STYK1: variants seen among roughly 807,000 people sequenced by gnomAD.
STYK1 encodes STY kinase 1.
STYK1 carries 46 observed loss-of-function variants against 48.1 expected under a neutral mutation model. The ratio of observed to expected loss-of-function variants is 0.96; its 90% CI spans 0.75 to 1.22. The LOEUF is 1.22. Ranked by LOEUF, STYK1 falls within the 50% of genes most tolerant of loss-of-function variation. The probability of loss-of-function intolerance (pLI) is 0.00; values close to 1 mark genes in which losing one functional copy is unlikely to be tolerated. For synonymous variants in STYK1, 188 were observed against 189.0 expected, an observed-to-expected ratio of 0.99 and a Z score of 0.04; for missense variants, 527 against 521.1, an observed-to-expected ratio of 1.01 and a Z score of -0.11.
chr12:10,671,620 A>T (rs1421712882), intron 1 of STYK1, among the ~76,000 whole-genome samples: 2 of 152,164 alleles, frequency 1.3e-5, no homozygotes, highest in African/African-American at 4.8e-5. Flanking sequence ...CTGCCCATCC[A>T]TTTTTACTTC....
intron 1 of STYK1, among the ~76,000 whole-genome samples, chr12:10,664,467 C>T (rs540892256): frequency 6.6e-6 from 1 of 152,162 alleles, no homozygotes; most frequent in Non-Finnish European, 1.5e-5. Flanking sequence ...TGTAAAGATG[C>T]TAGTACATCT....
At position 10,668,123 on chromosome 12, in the gene STYK1, T is replaced by A. The variant is rs143037040; in HGVS notation, c.-195+5843A>T. Among the ~76,000 whole-genome samples the A allele has an allele frequency of 4.7e-3, 698 of 148,562 alleles. 4 individuals are homozygous for A. The highest frequency in any genetic ancestry group is 0.017 in the African/African-American group (675 of 40,472). On this transcript the variant is annotated intron_variant, in intron 1 of 10. Transcript: ENST00000075503. ...TCTGAGAAGTTCAACAATAAAATACTTTTTTTTTTAACCTGGAAGAATCTC... is the reference window on the plus strand; with the variant it reads ...TCTGAGAAGTTCAACAATAAAATACATTTTTTTTTAACCTGGAAGAATCTC...
chr12:10,665,400 C>A (rs1947823867), intron 1 of STYK1, among the ~76,000 whole-genome samples: 1 of 152,190 alleles, frequency 6.6e-6, no homozygotes, highest in Admixed American at 6.5e-5. Flanking sequence ...AACCTAACTT[C>A]CAAATTTACT....
chr12:10,653,707 C>T (rs537131747), intron 1 of STYK1, among the ~76,000 whole-genome samples: 7 of 151,706 alleles, frequency 4.6e-5, no homozygotes, highest in East Asian at 1.9e-4. Flanking sequence ...AGATGTGCTC[C>T]GACTGATACA....
At chr12:10,633,200 A>C (rs577232792) in intron 4 of STYK1, among the ~76,000 whole-genome samples, 22 of 152,352 alleles carry the variant, frequency 1.4e-4, no homozygotes, top group Non-Finnish European at 2.8e-4. Flanking sequence ...AGAATTGATC[A>C]TTGGACTTTT....
chr12:10,657,868 C>T (rs947189509), intron 1 of STYK1, among the ~76,000 whole-genome samples: 1 of 152,172 alleles, frequency 6.6e-6, no homozygotes, highest in African/African-American at 2.4e-5. Flanking sequence ...ACTGGAAAAA[C>T]AGTTTTAACA....
chr12:10,621,097 C>G (rs939909093), intron 10 of STYK1, among the ~76,000 whole-genome samples: 2 of 151,890 alleles, frequency 1.3e-5, no homozygotes, highest in African/African-American at 4.8e-5. Flanking sequence ...GTAAATTTAC[C>G]CATTCAATGA....
In STYK1 at chr12:10,622,656, A is replaced by ATG. The variant is rs1254296428; in HGVS notation, c.948_949insCA (p.Tyr317HisfsTer5). On this transcript the variant is annotated frameshift_variant, in exon 9 of 11. Transcript: ENST00000075503. LOFTEE classifies it high-confidence loss of function. ...TCCTTACCTAGAGTCACCATCTCAT[A>ATG]GAGCAGGATCCCAAAAGACCAGCTG... 3.1e-6 allele frequency: 5 copies of ATG among 1,614,052 alleles called. No homozygotes were observed. Among genetic ancestry groups the ATG allele is most frequent in the Non-Finnish European group, 4.2e-6 (5 of 1,179,926 alleles).
At chr12:10,634,818 C>G (rs1254051880) in intron 2 of STYK1, 132 bp from the exon 3 acceptor site, 1 of 589,776 alleles carries the variant, frequency 1.7e-6, no homozygotes, top group Non-Finnish European at 3.0e-6. Flanking sequence ...ATCCGTTTAT[C>G]TCTATCTACC....
At position 10,627,134 on chromosome 12, in the gene STYK1, T is replaced by A. The variant is rs532982210; in HGVS notation, c.717+507A>T. Among the ~76,000 whole-genome samples, 3 of 152,344 alleles carry A rather than the reference T, an allele frequency of 2.0e-5. No homozygotes were observed. The East Asian group carries it at 5.8e-4, about 29-fold the overall frequency. ...CTTTTATAATTATATGTACTCCCTG[T>A]CACATTCAGTATCAAAGCAAGTCTC... On this transcript the variant is annotated intron_variant, in intron 7 of 10. Transcript: ENST00000075503.
intron 6 of STYK1, among the ~76,000 whole-genome samples, chr12:10,629,037 G>A (rs1947390460): frequency 6.6e-6 from 1 of 151,964 alleles, no homozygotes. Context: ...ATAATTTCTT[G>A]TATTTTTTGT....
rs113675881 is a variant in STYK1 at position 10,632,798 on chromosome 12, C to T, written c.187+1192G>A. 7.0e-3 allele frequency among the ~76,000 whole-genome samples: 1,066 copies of T among 152,216 alleles called. 7 individuals are homozygous for T. Among genetic ancestry groups the T allele is most frequent in the African/African-American group, 0.024 (1,011 of 41,532 alleles). On this transcript the variant is annotated intron_variant, in intron 4 of 10. Coordinates refer to ENST00000075503, the MANE Select transcript of STYK1 (RefSeq NM_018423.3). ...GTGAGAGAAAGAAAGGAGTTATCTTCAAGGTTTGAGACTGAAAACACAGTC... is the reference window on the plus strand; with the variant it reads ...GTGAGAGAAAGAAAGGAGTTATCTTTAAGGTTTGAGACTGAAAACACAGTC...
chr12:10,625,864 G>A (rs556795168), intron 7 of STYK1, among the ~76,000 whole-genome samples: 4 of 152,230 alleles, frequency 2.6e-5, no homozygotes, highest in South Asian at 2.1e-4. Flanking sequence ...CCTGGTAACC[G>A]ACATTTTTAA....
intron 4 of STYK1, 76 bp downstream of exon 4, chr12:10,633,914 T>C: frequency 1.5e-5 from 23 of 1,548,886 alleles, no homozygotes; most frequent in East Asian, 2.3e-5. Context: ...CATGGGCTCA[T>C]TGAAACTTAG....
Position 10,624,087 on chromosome 12 carries a change from C to CTT in STYK1, c.926+562_926+563dup, listed in dbSNP as rs112853318. Among the ~76,000 whole-genome samples the CTT allele has an allele frequency of 1.8e-4, 26 of 147,196 alleles. No homozygotes were observed. In the South Asian group the frequency reaches 2.8e-3, roughly 16 times the overall value. On this transcript the variant is annotated intron_variant, in intron 8 of 10. Coordinates refer to ENST00000075503, the MANE Select transcript of STYK1 (RefSeq NM_018423.3). ...GATATTGATGTGAATAATCTTTTCA[C>CTT]TTTTTTTTTTTCTAATTAAGGCTGC...
At chr12:10,621,339 C>T (rs1865902975) in intron 10 of STYK1, among the ~76,000 whole-genome samples, 1 of 152,160 alleles carries the variant, frequency 6.6e-6, no homozygotes, top group Non-Finnish European at 1.5e-5. Flanking sequence ...TTTCTAATTT[C>T]TTCTTATCTC....
chr12:10,627,760 A>T (rs754739216), intron 6 of STYK1, 36 bp from the exon 7 acceptor site: 2 of 1,543,928 alleles, frequency 1.3e-6, no homozygotes, highest in East Asian at 4.5e-5. Context: ...TTATATCAAA[A>T]TAGCACTCAC....
At chr12:10,629,308 T>C (rs1947393831) in intron 6 of STYK1, among the ~76,000 whole-genome samples, 185 bp downstream of exon 6, 1 of 152,236 alleles carries the variant, frequency 6.6e-6, no homozygotes, top group African/African-American at 2.4e-5. Flanking sequence ...CTTATCATAC[T>C]GGATGGAGCA....
At chr12:10,658,451 T>C (rs1947741930) in intron 1 of STYK1, among the ~76,000 whole-genome samples, 1 of 152,234 alleles carries the variant, frequency 6.6e-6, no homozygotes, top group Non-Finnish European at 1.5e-5. Flanking sequence ...CTTCCCTCTA[T>C]TAATGAGTAA....
Sources: allele counts gnomAD v4.1 joint callset (sites outside exome capture counted in the v4.1 genomes callset), GRCh38; gene constraint gnomAD v4.1.1; transcripts MANE v1.5; gene names NCBI Gene and HGNC (gene_info 2026-07-23, HGNC 2026-07-21).